The following GALK2 variants were observed in gnomAD, a reference collection of about 807,000 sequenced individuals.
GALK2 encodes the protein galactokinase 2.
A neutral mutation model predicts 52.4 loss-of-function variants in GALK2; 36 were observed. That is an observed-to-expected ratio of 0.69 (90% CI 0.53 to 0.91). The LOEUF is 0.91. Among genes scored for constraint, GALK2 ranks in the 40% least tolerant of loss-of-function variants. The pLI, the probability that GALK2 is intolerant of heterozygous loss-of-function variation, is 0.00. For synonymous variants in GALK2, 176 were observed against 199.1 expected, an observed-to-expected ratio of 0.88 and a Z score of 0.98; for missense variants, 579 against 559.1, an observed-to-expected ratio of 1.04 and a Z score of -0.36.
intron 1 of GALK2, among the ~76,000 whole-genome samples, chr15:49,179,596 G>C (rs1451339446): frequency 1.3e-5 from 2 of 151,092 alleles, no homozygotes; most frequent in Non-Finnish European, 2.9e-5. Flanking sequence ...AACAGTCATA[G>C]CTTTGTTTCT....
chr15:49,199,372 T>C (rs2087531791), intron 1 of GALK2, among the ~76,000 whole-genome samples: 1 of 152,162 alleles, frequency 6.6e-6, no homozygotes, highest in African/African-American at 2.4e-5. Context: ...TTTGTTCTTG[T>C]TTTGTTTTTT....
intron 5 of GALK2, among the ~76,000 whole-genome samples, chr15:49,254,832 CAT>C (rs962883672): frequency 2.1e-5 from 3 of 144,388 alleles, no homozygotes; most frequent in African/African-American, 5.0e-5. Flanking sequence ...CTCACACACA[CAT>C]GATTAGATGT....
chr15:49,192,495 A>G (rs4393518), intron 1 of GALK2, among the ~76,000 whole-genome samples: 172 of 16,928 alleles, frequency 0.01, 1 homozygote, highest in Middle Eastern at 0.062. Context: ...GTATATATAT[A>G]TATATATATA....
At chr15:49,256,310 A>G (rs1047197286) in intron 5 of GALK2, among the ~76,000 whole-genome samples, 1 of 152,180 alleles carries the variant, frequency 6.6e-6, no homozygotes. Flanking sequence ...CCGTCTAGAT[A>G]AATTGGTATA....
At chr15:49,322,372 G>A (rs2036946560) in intron 9 of GALK2, among the ~76,000 whole-genome samples, 1 of 152,144 alleles carries the variant, frequency 6.6e-6, no homozygotes, top group Non-Finnish European at 1.5e-5. Flanking sequence ...CATATTGAAA[G>A]ATTATCTTCT....
At chr15:49,276,825 A>C (rs2031740606) in intron 5 of GALK2, among the ~76,000 whole-genome samples, 1 of 143,684 alleles carries the variant, frequency 7.0e-6, no homozygotes, top group Non-Finnish European at 1.5e-5. Context: ...TTAATTATTT[A>C]TTATTTCTTT....
At chr15:49,184,152 A>T (rs2086177061) in intron 1 of GALK2, among the ~76,000 whole-genome samples, 1 of 152,056 alleles carries the variant, frequency 6.6e-6, no homozygotes, top group Non-Finnish European at 1.5e-5. Context: ...ATGCTCCAGT[A>T]TAAGGTGCAT....
chr15:49,265,281 C>T (rs898886492), intron 5 of GALK2, among the ~76,000 whole-genome samples: 25 of 152,320 alleles, frequency 1.6e-4, no homozygotes, highest in African/African-American at 5.3e-4. Context: ...CAATGGCGCG[C>T]GCCCTCCCCC....
chr15:49,276,452 C>A (rs553874079), intron 5 of GALK2, among the ~76,000 whole-genome samples: 2 of 152,146 alleles, frequency 1.3e-5, no homozygotes, highest in Non-Finnish European at 2.9e-5. Flanking sequence ...CAGTATGCTT[C>A]TTTTCTTTAT....
At chr15:49,177,091 A>T (rs1241107363) in intron 1 of GALK2, among the ~76,000 whole-genome samples, 1 of 151,894 alleles carries the variant, frequency 6.6e-6, no homozygotes, top group East Asian at 1.9e-4. Context: ...TATTATTTCT[A>T]GTATTGATTA....
chr15:49,178,519 T>G (rs1216390655), intron 1 of GALK2: 1 of 281,774 alleles, frequency 3.5e-6, no homozygotes, highest in Non-Finnish European at 7.0e-6. Context: ...CCTTAGGAAC[T>G]GGGCATTTTC....
At chr15:49,178,415 C>T (rs2085692278) in intron 1 of GALK2, 1 of 202,030 alleles carries the variant, frequency 4.9e-6, no homozygotes, top group Non-Finnish European at 1.0e-5. Context: ...CTCTTAGAAC[C>T]CCACAGTGGC....
chr15:49,234,352 T>G (rs905244770), intron 3 of GALK2, among the ~76,000 whole-genome samples: 2 of 152,192 alleles, frequency 1.3e-5, no homozygotes, highest in Non-Finnish European at 1.5e-5. Context: ...ACTGGTGGTG[T>G]TAATTTTGAT....
intron 5 of GALK2, among the ~76,000 whole-genome samples, chr15:49,256,247 G>A (rs1327620204): frequency 1.3e-5 from 2 of 152,162 alleles, no homozygotes; most frequent in African/African-American, 4.8e-5. Context: ...CTCTGTGTTA[G>A]ATTAAAAGAG....
intron 3 of GALK2, among the ~76,000 whole-genome samples, chr15:49,339,876 C>G (rs1441370454): frequency 6.6e-6 from 1 of 152,140 alleles, no homozygotes; most frequent in Non-Finnish European, 1.5e-5. Context: ...CTGCGGTGGG[C>G]TCCACCCAGT....
At position 49,228,696 on chromosome 15, in the gene GALK2, T is replaced by A. The variant is rs1285326300; in HGVS notation, c.267-7155T>A. Among the ~76,000 whole-genome samples, 15 of 77,504 alleles carry A rather than the reference T, an allele frequency of 1.9e-4. 1 individual carries two copies. Among genetic ancestry groups the A allele is most frequent in the African/African-American group, 8.3e-4 (15 of 18,146 alleles). The allele number at this position is 77,504 out of a possible 152,430, so 50.8% of individuals were successfully genotyped here. A position where few individuals can be genotyped will look rare whatever the true frequency, so the allele number is the denominator to read the frequency against. On this transcript the variant is annotated intron_variant, in intron 3 of 9. Coordinates refer to ENST00000560031, the MANE Select transcript of GALK2 (RefSeq NM_002044.4). ...ATATATATATATATATATTTTTTTT[T>A]TTTTTTTTTTTTTTTGCGATGGAGT... is the stretch of plus-strand genomic sequence containing the variant.
intron 5 of GALK2, among the ~76,000 whole-genome samples, chr15:49,249,031 C>T (rs2091476649): frequency 6.8e-6 from 1 of 147,166 alleles, no homozygotes; most frequent in Non-Finnish European, 1.5e-5. Flanking sequence ...TTTTGACTTG[C>T]ACCCTACAAT....
downstream of GALK2, among the ~76,000 whole-genome samples, chr15:49,336,589 A>C (rs1053988416): frequency 2.0e-5 from 3 of 151,930 alleles, no homozygotes; most frequent in African/African-American, 7.3e-5. Context: ...AGAAAACTTT[A>C]TTTTCCATTT....
rs371217105 is a variant in GALK2 at position 49,190,897 on chromosome 15, GTC to G, written c.54-10259_54-10258del. On this transcript the variant is annotated intron_variant, in intron 1 of 9. Transcript: ENST00000560031. ...GTTCTGACCATGAGGCATCCCTGGA[GTC>G]TCTCTGAATCTACTGTGATTCTGGG... is the stretch of plus-strand genomic sequence containing the variant. Among the ~76,000 whole-genome samples the G allele has an allele frequency of 5.6e-3, 857 of 152,242 alleles. 6 individuals are homozygous for G. The highest frequency in any genetic ancestry group is 0.02 in the African/African-American group (815 of 41,550).
Sources: gnomAD v4.1 joint callset for allele counts (sites outside exome capture counted in the v4.1 genomes callset) on GRCh38, gnomAD v4.1.1 for gene constraint, MANE v1.5 for transcripts, NCBI Gene and HGNC (gene_info 2026-07-23, HGNC 2026-07-21) for gene names.